CCL3L3: variants seen among roughly 807,000 people sequenced by gnomAD.
CCL3L3 encodes the protein C-C motif chemokine ligand 3 like 3.
In CCL3L3, 6 loss-of-function variants were observed where a neutral mutation model predicts 9.0. The observed-to-expected ratio is 0.67, with a 90% CI of 0.37 to 1.32. The LOEUF is 1.32. Among genes scored for constraint, CCL3L3 ranks in the 40% most tolerant of loss-of-function variants. CCL3L3 has a pLI of 0.02. For missense variants in CCL3L3, 93 were observed against 117.0 expected, an observed-to-expected ratio of 0.79 and a Z score of 0.95; for synonymous variants, 38 against 45.7, an observed-to-expected ratio of 0.83 and a Z score of 0.68.
chr17:36,196,158 T>G, intron 1 of CCL3L3: 1 of 634,322 alleles, frequency 1.6e-6, no homozygotes. Flanking sequence ...CTCTTAGCTC[T>G]CTTCATGGAA....
chr17:36,195,496 G>A (rs2068610922), intron 2 of CCL3L3, 120 bp from the exon 3 acceptor site: 3 of 1,385,914 alleles, frequency 2.2e-6, no homozygotes, highest in East Asian at 2.3e-5. Flanking sequence ...CCTCTCTCAG[G>A]GGCCCCCTGC....
At chr17:36,196,360 T>C in intron 1 of CCL3L3, 2 of 702,736 alleles carry the variant, frequency 2.8e-6, no homozygotes, top group Non-Finnish European at 5.3e-6. Context: ...TTTTTCTATC[T>C]GTACAAGGGA....
chr17:36,195,126 A>C lies in CCL3L3; in HGVS notation c.*160T>G. 1.3e-6 allele frequency: 1 copy of C among 788,508 alleles called. No individual in the cohort carries two copies. Among genetic ancestry groups the C allele is most frequent in the Non-Finnish European group, 2.1e-6 (1 of 473,342 alleles). 48.8% of individuals were successfully genotyped at this position (788,508 alleles called of 1,614,324 possible). A position where few individuals can be genotyped will look rare whatever the true frequency, so the allele number is the denominator to read the frequency against. The stretch of plus-strand genomic sequence containing the variant: ...AAAACTAAATAGTATAAATAAATTA[A>C]AATTTAAGTTAAGAAGAGTCCCACA... On this transcript the variant is annotated 3_prime_UTR_variant, in exon 3 of 3. Transcript: ENST00000619989.
In CCL3L3 at chr17:36,195,174, A is replaced by G; in HGVS notation, c.*112T>C. 8.1e-7 allele frequency: 1 copy of G among 1,236,718 alleles called. No homozygotes were observed. Among genetic ancestry groups the G allele is most frequent in the Non-Finnish European group, 1.2e-6 (1 of 837,366 alleles). The allele number at this position is 1,236,718 out of a possible 1,614,324, so 76.6% of individuals were successfully genotyped here. Reference sequence around the variant, plus strand: ...ACAGTGTGGCTGTTTGGCAATAACCAGTCCATAGAAGAGGTAGCTGTGGAG... The same window carrying G: ...ACAGTGTGGCTGTTTGGCAATAACCGGTCCATAGAAGAGGTAGCTGTGGAG... On this transcript the variant is annotated 3_prime_UTR_variant, in exon 3 of 3. Coordinates refer to ENST00000619989, the MANE Select transcript of CCL3L3 (RefSeq NM_001001437.4).
Position 36,195,616 on chromosome 17 carries a change from C to G in CCL3L3, c.191+182G>C, listed in dbSNP as rs1228636584. ...TTCCTCTGGCCTGGGGCAGCCCTTC[C>G]TGACTCTGTAACACCCACCTCACTC... is the stretch of plus-strand genomic sequence containing the variant. On this transcript the variant is annotated intron_variant, in intron 2 of 2. Coordinates refer to ENST00000619989, the MANE Select transcript of CCL3L3 (RefSeq NM_001001437.4). The G allele has an allele frequency of 5.6e-6, 6 of 1,066,500 alleles. No homozygotes were observed. The East Asian group carries it at 9.4e-5, about 17-fold the overall frequency. The allele number at this position is 1,066,500 out of a possible 1,614,324, so 66.1% of individuals were successfully genotyped here. A position where few individuals can be genotyped will look rare whatever the true frequency, so the allele number is the denominator to read the frequency against.
intron 2 of CCL3L3, 194 bp downstream of exon 2, chr17:36,195,604 G>C: frequency 9.7e-7 from 1 of 1,031,054 alleles, no homozygotes. Flanking sequence ...CTCTGGCCTG[G>C]GGCAGCCCTT....
chr17:36,196,292 C>G, intron 1 of CCL3L3: 1 of 651,398 alleles, frequency 1.5e-6, no homozygotes, highest in East Asian at 2.8e-5. Context: ...ACAGACCCCA[C>G]TGGGAAGTAA....
At chr17:36,196,125 T>C in intron 1 of CCL3L3, 6 of 656,820 alleles carry the variant, frequency 9.1e-6, no homozygotes, top group Non-Finnish European at 1.6e-5. Flanking sequence ...CTCTATGTGA[T>C]CCAGATACCT....
In CCL3L3 at chr17:36,195,413, TCCAGCCGGGGAA is replaced by T; in HGVS notation, c.192-49_192-38del. ...GGAGGAAGAGTTAAGCACTGGGGAA[TCCAGCCGGGGAA>T]TCCTGGGCCCACCATGGCCCTGACA... On this transcript the variant is annotated intron_variant, in intron 2 of 2. Transcript: ENST00000619989. 2.6e-6 allele frequency: 4 copies of T among 1,521,086 alleles called. No individual in the cohort carries two copies. The South Asian group carries it at 5.2e-5, about 20-fold the overall frequency. The allele number at this position is 1,521,086 out of a possible 1,614,324, so 94.2% of individuals were successfully genotyped here. A position where few individuals can be genotyped will look rare whatever the true frequency, so the allele number is the denominator to read the frequency against.
Position 36,196,576 on chromosome 17 carries a change from CACAACA to C in CCL3L3, c.76+16_76+21del. 1 of 1,579,122 alleles carries C rather than the reference CACAACA, an allele frequency of 6.3e-7. No homozygotes were observed. Among genetic ancestry groups the C allele is most frequent in the African/African-American group, 1.3e-5 (1 of 74,868 alleles). Reference sequence around the variant, plus strand: ...ACCATGGCCAGAGAGTGGTGATACCCACAACAACAACATGGACTCACGTGGTGCAGA... The same window carrying C: ...ACCATGGCCAGAGAGTGGTGATACCCACAACATGGACTCACGTGGTGCAGA... On this transcript the variant is annotated intron_variant, in intron 1 of 2. Coordinates refer to ENST00000619989, the MANE Select transcript of CCL3L3 (RefSeq NM_001001437.4).
intron 2 of CCL3L3, 147 bp downstream of exon 2, chr17:36,195,651 G>T: frequency 8.4e-7 from 1 of 1,196,106 alleles, no homozygotes; most frequent in Non-Finnish European, 1.2e-6. Flanking sequence ...CCAGCCCCAA[G>T]TCAGGTCACA....
intron 2 of CCL3L3, 123 bp from the exon 3 acceptor site, chr17:36,195,499 C>T (rs1190264036): frequency 7.4e-7 from 1 of 1,350,660 alleles, no homozygotes; most frequent in Middle Eastern, 2.3e-4. Flanking sequence ...CTCTCAGGGG[C>T]CCCCTGCCTA....
Position 36,195,156 on chromosome 17 carries a change from G to C in CCL3L3, c.*130C>G, listed in dbSNP as rs1253419084. 8 of 1,039,762 alleles carry C rather than the reference G, an allele frequency of 7.7e-6. No individual in the cohort carries two copies. Among genetic ancestry groups the C allele is most frequent in the Non-Finnish European group, 1.2e-5 (8 of 658,992 alleles). The allele number at this position is 1,039,762 out of a possible 1,614,324, so 64.4% of individuals were successfully genotyped here. A position where few individuals can be genotyped will look rare whatever the true frequency, so the allele number is the denominator to read the frequency against. On this transcript the variant is annotated 3_prime_UTR_variant, in exon 3 of 3. Coordinates refer to ENST00000619989, the MANE Select transcript of CCL3L3 (RefSeq NM_001001437.4). ...TAAGTTAAGAAGAGTCCCACAGTGT[G>C]GCTGTTTGGCAATAACCAGTCCATA...
At chr17:36,196,477 T>C in intron 1 of CCL3L3, 121 bp downstream of exon 1, 6 of 1,233,966 alleles carry the variant, frequency 4.9e-6, no homozygotes, top group Non-Finnish European at 7.1e-6. Flanking sequence ...ACCAAGGTGT[T>C]TGGCAGCGCT....
Position 36,194,969 on chromosome 17 carries a change from A to T in CCL3L3, c.*317T>A. The stretch of plus-strand genomic sequence containing the variant: ...TTGTCAGTCTGGTGGCTTTGGTGCC[A>T]TGACTGCCTACACAGGCCGATGACA... On this transcript the variant is annotated 3_prime_UTR_variant, in exon 3 of 3. Transcript: ENST00000619989. 2.9e-6 allele frequency: 1 copy of T among 340,658 alleles called. No individual in the cohort carries two copies. The allele number at this position is 340,658 out of a possible 1,614,324, so 21.1% of individuals were successfully genotyped here.
At chr17:36,196,214 G>C in intron 1 of CCL3L3, 1 of 638,084 alleles carries the variant, frequency 1.6e-6, no homozygotes, top group Non-Finnish European at 2.9e-6. Context: ...AGAAGCCCTG[G>C]ACATCTCTCA....
At chr17:36,196,556 G>T in intron 1 of CCL3L3, 42 bp downstream of exon 1, 1 of 1,562,994 alleles carries the variant, frequency 6.4e-7, no homozygotes, top group Admixed American at 1.7e-5. Flanking sequence ...GTCTAACCAT[G>T]GCCAGAGAGT....
In CCL3L3 at chr17:36,195,004, T is replaced by G. The variant is rs1190889013; in HGVS notation, c.*282A>C. The G allele has an allele frequency of 2.4e-6, 1 of 411,352 alleles. No individual in the cohort carries two copies. Among genetic ancestry groups the G allele is most frequent in the Non-Finnish European group, 4.6e-6 (1 of 217,542 alleles). 25.5% of individuals were successfully genotyped at this position (411,352 alleles called of 1,614,324 possible). On this transcript the variant is annotated 3_prime_UTR_variant, in exon 3 of 3. Transcript: ENST00000619989. ...ACACAGGCCGATGACAGCCACTCGG[T>G]TGTCACCAGACACACTGTGAGGGAA...
chr17:36,196,588 A>G lies in CCL3L3; in HGVS notation c.76+10T>C, dbSNP rs2068623589. 1.3e-6 allele frequency: 2 copies of G among 1,580,918 alleles called. No homozygotes were observed. Among genetic ancestry groups the G allele is most frequent in the South Asian group, 1.1e-5 (1 of 89,132 alleles). ...GAGTGGTGATACCCACAACAACAAC[A>G]TGGACTCACGTGGTGCAGAGAGGAC... On this transcript the variant is annotated intron_variant, in intron 1 of 2. Coordinates refer to ENST00000619989, the MANE Select transcript of CCL3L3 (RefSeq NM_001001437.4).
Sources: gnomAD v4.1 joint callset for allele counts on GRCh38, gnomAD v4.1.1 for gene constraint, MANE v1.5 for transcripts, NCBI Gene and HGNC (gene_info 2026-07-23, HGNC 2026-07-21) for gene names.